Variants in EMID1 observed in about 807,000 individuals in gnomAD.
EMID1 encodes the protein EMI domain-containing protein 1.
A neutral mutation model predicts 60.6 loss-of-function variants in EMID1; 40 were observed. The observed-to-expected ratio is 0.66, with a 90% CI of 0.51 to 0.86. The LOEUF is 0.86. Among genes scored for constraint, EMID1 ranks in the 40% least tolerant of loss-of-function variants. EMID1 has a pLI of 0.00. For synonymous variants in EMID1, 242 were observed against 231.0 expected (o/e 1.05, Z -0.43); for missense variants, 585 against 597.1 (o/e 0.98, Z 0.21).
chr22:29,219,212 TC>T (rs545691330), intron 3 of EMID1, among the ~76,000 whole-genome samples: 349 of 152,188 alleles, frequency 2.3e-3, no homozygotes, highest in African/African-American at 8.3e-3. Context: ...GCTGAGGATG[TC>T]CCCGGGAGTG....
At chr22:29,226,635 T>C (rs1242633553) in intron 5 of EMID1, 84 bp downstream of exon 5, 1 of 1,403,248 alleles carries the variant, frequency 7.1e-7, no homozygotes, top group East Asian at 2.5e-5. Context: ...CCCACCTCCT[T>C]CCCCGCACCC....
intron 14 of EMID1, among the ~76,000 whole-genome samples, chr22:29,256,342 G>GT (rs1371006226): frequency 6.6e-6 from 1 of 151,508 alleles, no homozygotes; most frequent in East Asian, 1.9e-4. Context: ...GCGGGCACCC[G>GT]TAATCCCAGC....
At chr22:29,211,664 G>A (rs1337240040) in intron 1 of EMID1, among the ~76,000 whole-genome samples, 4 of 152,216 alleles carry the variant, frequency 2.6e-5, no homozygotes, top group South Asian at 4.1e-4. Flanking sequence ...GTGCATTTGC[G>A]TGTGCAGGCA....
At chr22:29,213,815 CCACAGACCGTGGCTCAAGG>C in intron 1 of EMID1, among the ~76,000 whole-genome samples, 1 of 152,152 alleles carries the variant, frequency 6.6e-6, no homozygotes, top group African/African-American at 2.4e-5. Flanking sequence ...GTTTACAGAG[CCACAGACCGTGGCTCAAGG>C]AGATGAGGAG....
chr22:29,251,235 C>A (rs555284389), intron 13 of EMID1, among the ~76,000 whole-genome samples: 1 of 152,148 alleles, frequency 6.6e-6, no homozygotes, highest in East Asian at 1.9e-4. Flanking sequence ...GCGCACACCA[C>A]CATGCCTGGC....
intron 13 of EMID1, among the ~76,000 whole-genome samples, chr22:29,244,888 A>G (rs1173812193): frequency 1.3e-5 from 2 of 152,092 alleles, no homozygotes; most frequent in Admixed American, 6.5e-5. Flanking sequence ...GAGAGAGACA[A>G]CTAGGAAGCT....
intron 14 of EMID1, among the ~76,000 whole-genome samples, chr22:29,256,743 T>G (rs1405949093): frequency 6.6e-6 from 1 of 152,050 alleles, no homozygotes. Context: ...GAAGGCTTCT[T>G]GGAAGAGGGG....
At position 29,254,290 on chromosome 22, in the gene EMID1, G is replaced by C; in HGVS notation, c.1204+3G>C. 1 of 1,613,416 alleles carries C rather than the reference G, an allele frequency of 6.2e-7. No homozygotes were observed. Among genetic ancestry groups the C allele is most frequent in the Non-Finnish European group, 8.5e-7 (1 of 1,179,356 alleles). On this transcript the variant is annotated splice_donor_region_variant and intron_variant, in intron 14 of 14. Coordinates refer to ENST00000334018, the MANE Select transcript of EMID1 (RefSeq NM_133455.4). ...GGAAACAATGATTGGGCTCTATGGT[G>C]AGTAGAGACAGACAGACGGACAGAC...
intron 9 of EMID1, 47 bp from the exon 10 acceptor site, chr22:29,233,567 G>A (rs1215306327): frequency 2.2e-5 from 36 of 1,609,488 alleles, no homozygotes; most frequent in Non-Finnish European, 3.1e-5. Context: ...GGCACTTCCT[G>A]AGATTGTACT....
In EMID1 at chr22:29,251,805, T is replaced by C. The variant is rs1198990255; in HGVS notation, c.1120-2398T>C. On this transcript the variant is annotated intron_variant, in intron 13 of 14. Coordinates refer to ENST00000334018, the MANE Select transcript of EMID1 (RefSeq NM_133455.4). ...TCAGCCTCCCAAGTAACTAGGACTA[T>C]AGGTGCACACCACCAAGCTTGGCTA... 3.3e-5 allele frequency among the ~76,000 whole-genome samples: 5 copies of C among 152,048 alleles called. No individual in the cohort carries two copies. In the East Asian group the frequency reaches 9.7e-4, roughly 30 times the overall value.
At chr22:29,215,191 C>T (rs111650173) in intron 2 of EMID1, 152 bp downstream of exon 2, 56 of 1,421,306 alleles carry the variant, frequency 3.9e-5, no homozygotes, top group South Asian at 1.1e-4. Flanking sequence ...CATTCTCAGC[C>T]TATCCCCTGT....
At chr22:29,236,752 G>A (rs1296473283) in intron 12 of EMID1, among the ~76,000 whole-genome samples, 2 of 151,672 alleles carry the variant, frequency 1.3e-5, no homozygotes, top group Non-Finnish European at 2.9e-5. Context: ...TATTTATATA[G>A]TTGGGTTAAC....
chr22:29,222,601 G>A (rs1394214408), intron 3 of EMID1, among the ~76,000 whole-genome samples: 1 of 151,572 alleles, frequency 6.6e-6, no homozygotes, highest in Non-Finnish European at 1.5e-5. Context: ...ACAGGGTTTT[G>A]CCATGTTGGC....
At chr22:29,243,375 C>A in intron 12 of EMID1, 70 bp from the exon 13 acceptor site, 1 of 1,494,284 alleles carries the variant, frequency 6.7e-7, no homozygotes, top group South Asian at 1.2e-5. Flanking sequence ...CTTTTTCCTC[C>A]CTCTTTTTTT....
intron 3 of EMID1, among the ~76,000 whole-genome samples, chr22:29,224,370 A>G (rs768203254): frequency 2.6e-5 from 4 of 152,148 alleles, no homozygotes; most frequent in Non-Finnish European, 5.9e-5. Flanking sequence ...CTCTCCAGCT[A>G]TGCCCCCGCC....
intron 12 of EMID1, among the ~76,000 whole-genome samples, chr22:29,238,454 G>A (rs2146342581): frequency 7.1e-6 from 1 of 141,368 alleles, no homozygotes; most frequent in Non-Finnish European, 1.5e-5. Flanking sequence ...TCTCACTCTT[G>A]TCCCCAAGGC....
intron 3 of EMID1, chr22:29,216,404 A>G (rs977694963): frequency 2.0e-6 from 2 of 985,284 alleles, no homozygotes; most frequent in African/African-American, 3.5e-5. Flanking sequence ...ATTTTTGGAC[A>G]CCAAGAGCTG....
intron 12 of EMID1, among the ~76,000 whole-genome samples, chr22:29,242,023 ACCTCAG>A (rs1380162045): frequency 6.6e-6 from 1 of 151,786 alleles, no homozygotes. Flanking sequence ...CAATCCTCCC[ACCTCAG>A]CCTCCTGAGT....
At chr22:29,247,360 T>A (rs572438979) in intron 13 of EMID1, among the ~76,000 whole-genome samples, 1 of 152,358 alleles carries the variant, frequency 6.6e-6, no homozygotes, top group Admixed American at 6.5e-5. Flanking sequence ...CAGCCATGTG[T>A]CACTTAATGA....
Sources: allele counts gnomAD v4.1 joint callset (sites outside exome capture counted in the v4.1 genomes callset), GRCh38; gene constraint gnomAD v4.1.1; transcripts MANE v1.5; gene names NCBI Gene and HGNC (gene_info 2026-07-23, HGNC 2026-07-21).